The following ETV2 variants were observed in gnomAD, a reference collection of about 807,000 sequenced individuals.
ETV2 encodes the protein ETS translocation variant 2.
Under a neutral mutation model 35.7 loss-of-function variants are expected in ETV2, and 34 were observed. The observed-to-expected ratio is 0.95, with a 90% CI of 0.72 to 1.27. The LOEUF is 1.27. ETV2 is among the 50% of genes most tolerant of loss of function. The pLI is 0.00. For synonymous variants in ETV2, 207 were observed against 203.9 expected (o/e 1.02, Z -0.13); for missense variants, 512 against 470.5 (o/e 1.09, Z -0.82).
chr19:35,643,453 G>T lies in ETV2; in HGVS notation c.415G>T (p.Ala139Ser), dbSNP rs1316451808. 6.5e-7 allele frequency: 1 copy of T among 1,547,124 alleles called. No homozygotes were observed. Among genetic ancestry groups the T allele is most frequent in the Non-Finnish European group, 8.7e-7 (1 of 1,145,748 alleles). ...GAACTGCGTCCCCGTGGCGGGAGAG[G>T]CCACCTCGTGGTCGCGCGCCCAGGC... The part of the protein sequence containing the change: ...GQNCVPVAGE[A>S]TSWSRAQAAG... Residue 139 changes from alanine to serine, a missense_variant, in exon 5 of 7, where the codon GCC becomes TCC. Ala to Ser is a moderately conservative substitution (Grantham distance 99). Coordinates refer to ENST00000402764, the MANE Select transcript of ETV2 (RefSeq NM_014209.4). This position sits in a 1 kb window ranked among gnomAD's most constrained non-coding sequence, Gnocchi z 5.0.
rs192862284 is a variant in ETV2, at chr19:35,642,365, G to A, written c.-27-69G>A. The A allele has an allele frequency of 2.4e-4, 191 of 786,906 alleles. No homozygotes were observed. In the Admixed American group the frequency reaches 2.7e-3, roughly 11 times the overall value. The allele number at this position is 786,906 out of a possible 1,614,324, so 48.7% of individuals were successfully genotyped here. A position where few individuals can be genotyped will look rare whatever the true frequency, so the allele number is the denominator to read the frequency against. On this transcript the variant is annotated intron_variant, in intron 1 of 6. Transcript: ENST00000402764. The surrounding 1 kb of genome is among the most constrained non-coding windows in gnomAD (Gnocchi z 4.4). The stretch of plus-strand genomic sequence containing the variant: ...CTGGCTCTGAGGGAAGCTAGGGCTG[G>A]GGCCCAGACTCCAGGGCCTCCAAGT...
chr19:35,643,473 C>T lies in ETV2; in HGVS notation c.435C>T (p.Ala145=). 1 of 1,548,100 alleles carries T rather than the reference C, an allele frequency of 6.5e-7. No homozygotes were observed. Among genetic ancestry groups the T allele is most frequent in the Non-Finnish European group, 8.7e-7 (1 of 1,146,088 alleles). ...VAGEATSWSR[A]QAAGSNTSWD... is the part of the protein sequence containing the mutation. Reference sequence around the variant, plus strand: ...GAGAGGCCACCTCGTGGTCGCGCGCCCAGGCCGCCGGGAGCAACACCAGCT... The same window carrying T: ...GAGAGGCCACCTCGTGGTCGCGCGCTCAGGCCGCCGGGAGCAACACCAGCT... Residue 145 remains alanine, a synonymous_variant, in exon 5 of 7, where the codon GCC becomes GCT. Coordinates refer to ENST00000402764, the MANE Select transcript of ETV2 (RefSeq NM_014209.4). This position sits in a 1 kb window ranked among gnomAD's most constrained non-coding sequence, Gnocchi z 5.0.
In ETV2 at chr19:35,644,215, C is replaced by T; in HGVS notation, c.716-20C>T. Reference sequence around the variant, plus strand: ...TCTAGGGCCGGGAAGACTGAGTGTGCCCCTCCCTTCATCCCGCAGGTCCCA... The same window carrying T: ...TCTAGGGCCGGGAAGACTGAGTGTGTCCCTCCCTTCATCCCGCAGGTCCCA... On this transcript the variant is annotated intron_variant, in intron 5 of 6. Transcript: ENST00000402764. This position sits in a 1 kb window ranked among gnomAD's most constrained non-coding sequence, Gnocchi z 4.7. 2 of 1,477,894 alleles carry T rather than the reference C, an allele frequency of 1.4e-6. No individual in the cohort carries two copies. The highest frequency in any genetic ancestry group is 1.4e-5 in the African/African-American group (1 of 71,758). The allele number at this position is 1,477,894 out of a possible 1,614,324, so 91.5% of individuals were successfully genotyped here.
At position 35,642,258 on chromosome 19, in the gene ETV2, C is replaced by T; in HGVS notation, c.-28+102C>T. On this transcript the variant is annotated intron_variant, in intron 1 of 6. Coordinates refer to ENST00000402764, the MANE Select transcript of ETV2 (RefSeq NM_014209.4). This position sits in a 1 kb window ranked among gnomAD's most constrained non-coding sequence, Gnocchi z 4.4. ...CGGGGGCCTGGACTCCTGGGTCTAA[C>T]AGAGGAAGAGAGCTGGGGTCCCTCA... 1 of 522,054 alleles carries T rather than the reference C, an allele frequency of 1.9e-6. No individual in the cohort carries two copies. The highest frequency in any genetic ancestry group is 3.4e-6 in the Non-Finnish European group (1 of 295,996). The allele number at this position is 522,054 out of a possible 1,614,324, so 32.3% of individuals were successfully genotyped here. A position where few individuals can be genotyped will look rare whatever the true frequency, so the allele number is the denominator to read the frequency against.
In ETV2 at chr19:35,644,579, C is replaced by G; in HGVS notation, c.829-73C>G. 6.9e-7 allele frequency: 1 copy of G among 1,442,168 alleles called. No homozygotes were observed. The highest frequency in any genetic ancestry group is 1.4e-5 in the South Asian group (1 of 73,780). 89.3% of individuals were successfully genotyped at this position (1,442,168 alleles called of 1,614,324 possible). A position where few individuals can be genotyped will look rare whatever the true frequency, so the allele number is the denominator to read the frequency against. Reference sequence around the variant, plus strand: ...GCCCAGGTCTGCACTGCACACCGCCCCCAGGCCCGGCCCTCCCCACTATCG... The same window carrying G: ...GCCCAGGTCTGCACTGCACACCGCCGCCAGGCCCGGCCCTCCCCACTATCG... On this transcript the variant is annotated intron_variant, in intron 6 of 6. Coordinates refer to ENST00000402764, the MANE Select transcript of ETV2 (RefSeq NM_014209.4). This position sits in a 1 kb window ranked among gnomAD's most constrained non-coding sequence, Gnocchi z 4.7.
Position 35,642,947 on chromosome 19 carries a change from A to G in ETV2, c.155-18A>G. ...TTGAGGGGTCTCTTTCATTGCTCAC[A>G]GTCCTCCCTAAACTCAGGTACAAGC... On this transcript the variant is annotated intron_variant, in intron 3 of 6. Transcript: ENST00000402764. This position sits in a 1 kb window ranked among gnomAD's most constrained non-coding sequence, Gnocchi z 4.4. 6.7e-7 allele frequency: 1 copy of G among 1,501,602 alleles called. No individual in the cohort carries two copies. Among genetic ancestry groups the G allele is most frequent in the Non-Finnish European group, 9.1e-7 (1 of 1,097,218 alleles). The allele number at this position is 1,501,602 out of a possible 1,614,324, so 93.0% of individuals were successfully genotyped here. A position where few individuals can be genotyped will look rare whatever the true frequency, so the allele number is the denominator to read the frequency against.
At position 35,642,977 on chromosome 19, in the gene ETV2, C is replaced by T. The variant is rs765548925; in HGVS notation, c.167C>T (p.Ser56Phe). 36 of 1,570,902 alleles carry T rather than the reference C, an allele frequency of 2.3e-5. No individual in the cohort carries two copies. Among genetic ancestry groups the T allele is most frequent in the Non-Finnish European group, 2.7e-5 (31 of 1,155,886 alleles). ...TCCCTAAACTCAGGTACAAGCTCAT[C>T]CCTGGCAAGCTTCCCACAGCTGGAC... ...AETCWKGTSS[S>F]LASFPQLDWG... Residue 56 changes from serine to phenylalanine, a missense_variant, in exon 4 of 7, where the codon TCC (serine) becomes TTC (phenylalanine). Transcript: ENST00000402764. The surrounding 1 kb of genome is among the most constrained non-coding windows in gnomAD (Gnocchi z 4.4).
rs1458021006 is a variant in ETV2, at chr19:35,643,555, G to A, written c.517G>A (p.Glu173Lys). 1 of 1,558,978 alleles carries A rather than the reference G, an allele frequency of 6.4e-7. No homozygotes were observed. The highest frequency in any genetic ancestry group is 8.7e-7 in the Non-Finnish European group (1 of 1,151,682). Residue 173 changes from glutamate to lysine, a missense_variant, in exon 5 of 7, where the codon GAG (glutamate) becomes AAG (lysine). Coordinates refer to ENST00000402764, the MANE Select transcript of ETV2 (RefSeq NM_014209.4). The surrounding 1 kb of genome is among the most constrained non-coding windows in gnomAD (Gnocchi z 5.0). Reference sequence around the variant, plus strand: ...CTACTGGGGCAGTGGCCTGGGCGGGGAGCCGCGCACGGACTGTACCATTTC... The same window carrying A: ...CTACTGGGGCAGTGGCCTGGGCGGGAAGCCGCGCACGGACTGTACCATTTC... ...DTYWGSGLGG[E>K]PRTDCTISWG...
In ETV2 at chr19:35,643,410, C is replaced by G. The variant is rs533272713; in HGVS notation, c.372C>G (p.Ser124=). 2 of 1,543,870 alleles carry G rather than the reference C, an allele frequency of 1.3e-6. No homozygotes were observed. The highest frequency in any genetic ancestry group is 2.0e-5 in the Admixed American group (1 of 49,782). ...CGGGCCCCATCCCCGCCGCCGGCTCCGAAGGCGCCGCGGGCCAGAACTGCG... is the reference window on the plus strand; with the variant it reads ...CGGGCCCCATCCCCGCCGCCGGCTCGGAAGGCGCCGCGGGCCAGAACTGCG... ...LGPGPIPAAG[S]EGAAGQNCVP... Residue 124 remains serine (S), a synonymous_variant, in exon 5 of 7, where the codon TCC becomes TCG. Coordinates refer to ENST00000402764, the MANE Select transcript of ETV2 (RefSeq NM_014209.4). This position sits in a 1 kb window ranked among gnomAD's most constrained non-coding sequence, Gnocchi z 5.0.
rs1967620859 is a variant in ETV2 at position 35,642,267 on chromosome 19, A to C, written c.-28+111A>C. ...GGACTCCTGGGTCTAACAGAGGAAG[A>C]GAGCTGGGGTCCCTCACTCCCAGGA... is the stretch of plus-strand genomic sequence containing the variant. On this transcript the variant is annotated intron_variant, in intron 1 of 6. Transcript: ENST00000402764. The surrounding 1 kb of genome is among the most constrained non-coding windows in gnomAD (Gnocchi z 4.4). 1 of 533,620 alleles carries C rather than the reference A, an allele frequency of 1.9e-6. No individual in the cohort carries two copies. The highest frequency in any genetic ancestry group is 3.3e-5 in the East Asian group (1 of 30,520). 33.1% of individuals were successfully genotyped at this position (533,620 alleles called of 1,614,324 possible).
chr19:35,644,573 A>G lies in ETV2; in HGVS notation c.829-79A>G. 2.8e-6 allele frequency: 4 copies of G among 1,408,188 alleles called. No individual in the cohort carries two copies. The highest frequency in any genetic ancestry group is 3.8e-6 in the Non-Finnish European group (4 of 1,042,804). 87.2% of individuals were successfully genotyped at this position (1,408,188 alleles called of 1,614,324 possible). On this transcript the variant is annotated intron_variant, in intron 6 of 6. Coordinates refer to ENST00000402764, the MANE Select transcript of ETV2 (RefSeq NM_014209.4). This position sits in a 1 kb window ranked among gnomAD's most constrained non-coding sequence, Gnocchi z 4.7. The stretch of plus-strand genomic sequence containing the variant: ...GGCCTCGCCCAGGTCTGCACTGCAC[A>G]CCGCCCCCAGGCCCGGCCCTCCCCA...
Position 35,643,871 on chromosome 19 carries a change from A to T in ETV2, c.715+118A>T. The T allele has an allele frequency of 7.0e-7, 1 of 1,426,176 alleles. No homozygotes were observed. Among genetic ancestry groups the T allele is most frequent in the Admixed American group, 2.2e-5 (1 of 44,714 alleles). The allele number at this position is 1,426,176 out of a possible 1,614,324, so 88.3% of individuals were successfully genotyped here. ...GTGAGGGGGCGGGGGCTTAGGGACCAGGGGCTCGAAGGAGGGGCCGGTGGC... is the reference window on the plus strand; with the variant it reads ...GTGAGGGGGCGGGGGCTTAGGGACCTGGGGCTCGAAGGAGGGGCCGGTGGC... On this transcript the variant is annotated intron_variant, in intron 5 of 6. Transcript: ENST00000402764. This position sits in a 1 kb window ranked among gnomAD's most constrained non-coding sequence, Gnocchi z 5.0.
Position 35,642,348 on chromosome 19 carries a change from G to A in ETV2, c.-27-86G>A, listed in dbSNP as rs561730660. ...AGCGGAGGCCTGGACTCCTGGCTCTGAGGGAAGCTAGGGCTGGGGCCCAGA... is the reference window on the plus strand; with the variant it reads ...AGCGGAGGCCTGGACTCCTGGCTCTAAGGGAAGCTAGGGCTGGGGCCCAGA... On this transcript the variant is annotated intron_variant, in intron 1 of 6. Coordinates refer to ENST00000402764, the MANE Select transcript of ETV2 (RefSeq NM_014209.4). This position sits in a 1 kb window ranked among gnomAD's most constrained non-coding sequence, Gnocchi z 4.4. 1 of 693,490 alleles carries A rather than the reference G, an allele frequency of 1.4e-6. No homozygotes were observed. Among genetic ancestry groups the A allele is most frequent in the South Asian group, 1.9e-5 (1 of 52,764 alleles). The allele number at this position is 693,490 out of a possible 1,614,324, so 43.0% of individuals were successfully genotyped here. A position where few individuals can be genotyped will look rare whatever the true frequency, so the allele number is the denominator to read the frequency against.
At position 35,643,228 on chromosome 19, in the gene ETV2, G is replaced by A. The variant is rs1317027416; in HGVS notation, c.236-46G>A. The A allele has an allele frequency of 6.4e-7, 1 of 1,552,640 alleles. No homozygotes were observed. The highest frequency in any genetic ancestry group is 8.7e-7 in the Non-Finnish European group (1 of 1,153,714). On this transcript the variant is annotated intron_variant, in intron 4 of 6. Coordinates refer to ENST00000402764, the MANE Select transcript of ETV2 (RefSeq NM_014209.4). The surrounding 1 kb of genome is among the most constrained non-coding windows in gnomAD (Gnocchi z 5.0). The stretch of plus-strand genomic sequence containing the variant: ...AGAGCTTAGACCCTAGAGTTTTTGA[G>A]GGGGCACCTGGGCTCCCCTCACTCG...
chr19:35,642,791 T>C lies in ETV2; in HGVS notation c.154+93T>C. 2.0e-6 allele frequency: 2 copies of C among 995,556 alleles called. No individual in the cohort carries two copies. Among genetic ancestry groups the C allele is most frequent in the East Asian group, 2.9e-5 (1 of 33,906 alleles). The allele number at this position is 995,556 out of a possible 1,614,324, so 61.7% of individuals were successfully genotyped here. On this transcript the variant is annotated intron_variant, in intron 3 of 6. Coordinates refer to ENST00000402764, the MANE Select transcript of ETV2 (RefSeq NM_014209.4). This position sits in a 1 kb window ranked among gnomAD's most constrained non-coding sequence, Gnocchi z 4.4. ...GAGGAGGGGGGCGTGCCTAGGTTCCTGGGACTGGGTGGGGAGGGGCCGCGT... is the reference window on the plus strand; with the variant it reads ...GAGGAGGGGGGCGTGCCTAGGTTCCCGGGACTGGGTGGGGAGGGGCCGCGT...
chr19:35,644,535 C>A lies in ETV2; in HGVS notation c.829-117C>A. On this transcript the variant is annotated intron_variant, in intron 6 of 6. Coordinates refer to ENST00000402764, the MANE Select transcript of ETV2 (RefSeq NM_014209.4). The surrounding 1 kb of genome is among the most constrained non-coding windows in gnomAD (Gnocchi z 4.7). ...CCTGCCTCAACCAACCCAGTCTCCA[C>A]CGGGCTCTGCGAGGCCTCGCCCAGG... 1 of 1,066,298 alleles carries A rather than the reference C, an allele frequency of 9.4e-7. No individual in the cohort carries two copies. The highest frequency in any genetic ancestry group is 1.3e-6 in the Non-Finnish European group (1 of 743,294). 66.1% of individuals were successfully genotyped at this position (1,066,298 alleles called of 1,614,324 possible).
rs570996663 is a variant in ETV2 at position 35,644,593 on chromosome 19, T to G, written c.829-59T>G. 39 of 1,498,590 alleles carry G rather than the reference T, an allele frequency of 2.6e-5. No homozygotes were observed. In the African/African-American group the frequency reaches 4.8e-4, roughly 19 times the overall value. The allele number at this position is 1,498,590 out of a possible 1,614,324, so 92.8% of individuals were successfully genotyped here. On this transcript the variant is annotated intron_variant, in intron 6 of 6. Transcript: ENST00000402764. This position sits in a 1 kb window ranked among gnomAD's most constrained non-coding sequence, Gnocchi z 4.7. ...TGCACACCGCCCCCAGGCCCGGCCC[T>G]CCCCACTATCGCCAAGCCCCGCCCC...
In ETV2 at chr19:35,643,120, G is replaced by T; in HGVS notation, c.235+75G>T. 1 of 1,374,690 alleles carries T rather than the reference G, an allele frequency of 7.3e-7. No individual in the cohort carries two copies. Among genetic ancestry groups the T allele is most frequent in the South Asian group, 1.3e-5 (1 of 77,820 alleles). 85.2% of individuals were successfully genotyped at this position (1,374,690 alleles called of 1,614,324 possible). ...CCGGGGCTAGAGGTGTAGACTCCCT[G>T]ATCTTTGAGGACTGAGAACACCTGC... On this transcript the variant is annotated intron_variant, in intron 4 of 6. Coordinates refer to ENST00000402764, the MANE Select transcript of ETV2 (RefSeq NM_014209.4). This position sits in a 1 kb window ranked among gnomAD's most constrained non-coding sequence, Gnocchi z 5.0.
rs1390093800 is a variant in ETV2 at position 35,644,393 on chromosome 19, G to C, written c.828+46G>C. 8.5e-6 allele frequency: 11 copies of C among 1,299,944 alleles called. No individual in the cohort carries two copies. Among genetic ancestry groups the C allele is most frequent in the Non-Finnish European group, 9.8e-6 (9 of 921,234 alleles). The allele number at this position is 1,299,944 out of a possible 1,614,324, so 80.5% of individuals were successfully genotyped here. On this transcript the variant is annotated intron_variant, in intron 6 of 6. Coordinates refer to ENST00000402764, the MANE Select transcript of ETV2 (RefSeq NM_014209.4). This position sits in a 1 kb window ranked among gnomAD's most constrained non-coding sequence, Gnocchi z 4.7. ...AGCCAAATCCGCCCCGTCTCTTCTA[G>C]TTCAATTTAGCTCCGCCCAAGGGCT...
Sources: gnomAD v4.1 joint callset for allele counts on GRCh38, gnomAD v4.1.1 for gene constraint, Gnocchi (gnomAD v3.1) non-coding constraint, MANE v1.5 for transcripts, NCBI Gene and HGNC (gene_info 2026-07-23, HGNC 2026-07-21) for gene names.